The following LIPC variants were observed in gnomAD, a reference collection of about 807,000 sequenced individuals.
The protein encoded by LIPC is lipase C, hepatic type, also known as hepatic triacylglycerol lipase.
LIPC carries 44 observed loss-of-function variants against 50.7 expected under a neutral mutation model. The observed-to-expected ratio is 0.87, with a 90% CI of 0.68 to 1.11. The LOEUF is 1.11. Ranked by LOEUF, LIPC falls within the 50% of genes most tolerant of loss-of-function variation. The probability of loss-of-function intolerance (pLI) is 0.00; values close to 1 mark genes in which losing one functional copy is unlikely to be tolerated. For synonymous variants in LIPC, 271 were observed against 256.4 expected, an observed-to-expected ratio of 1.06 and a Z score of -0.54; for missense variants, 697 against 648.2, an observed-to-expected ratio of 1.08 and a Z score of -0.82.
At chr15:58,467,985 T>C (rs1318031118) in intron 1 of LIPC, among the ~76,000 whole-genome samples, 1 of 152,150 alleles carries the variant, frequency 6.6e-6, no homozygotes, top group East Asian at 1.9e-4. Context: ...AAACTTCAGT[T>C]TCTGGGTCTG....
At chr15:58,499,975 A>C (rs1891921180) in intron 1 of LIPC, among the ~76,000 whole-genome samples, 1 of 152,184 alleles carries the variant, frequency 6.6e-6, no homozygotes, top group Admixed American at 6.5e-5. Context: ...GATTTGGTAC[A>C]AGAGATCCAG....
intron 4 of LIPC, among the ~76,000 whole-genome samples, chr15:58,544,088 TG>T (rs1416795917): frequency 6.6e-6 from 1 of 152,232 alleles, no homozygotes; most frequent in Non-Finnish European, 1.5e-5. Flanking sequence ...TGCTGGTCAC[TG>T]GGGAAGCCTG....
chr15:58,545,585 A>C (rs1315642720), intron 4 of LIPC, among the ~76,000 whole-genome samples, 157 bp from the exon 5 acceptor site: 3 of 152,188 alleles, frequency 2.0e-5, no homozygotes. Flanking sequence ...TTTTACTGAG[A>C]AAAGGTTACG....
chr15:58,496,790 G>A (rs1376499764), intron 1 of LIPC, among the ~76,000 whole-genome samples: 2 of 144,442 alleles, frequency 1.4e-5, no homozygotes, highest in Admixed American at 1.5e-4. Context: ...TGTCACCCAG[G>A]CTGGAGTGCA....
At chr15:58,510,050 A>T (rs1182477031) in intron 1 of LIPC, among the ~76,000 whole-genome samples, 1 of 152,234 alleles carries the variant, frequency 6.6e-6, no homozygotes, top group African/African-American at 2.4e-5. Context: ...AATAAAATGT[A>T]CATGCGCAGA....
Position 58,541,966 on chromosome 15 carries a change from A to G in LIPC, c.455A>G (p.Glu152Gly). Residue 152 changes from glutamate (E) to glycine (G), a missense_variant and splice_region_variant, in exon 3 of 9, where the codon GAG becomes GGG. Physicochemically the swap from Glu to Gly is moderately conservative, Grantham distance 98. Coordinates refer to ENST00000299022, the MANE Select transcript of LIPC (RefSeq NM_000236.3). ...GTCGCGGCTCTTCTCCGGTGGCTGG[A>G]GGTACCGACCTGCCCCATCCTTCCT... ...KEVAALLRWL[E>G]ESVQLSRSHV... 1.2e-6 allele frequency: 2 copies of G among 1,606,986 alleles called. No homozygotes were observed. The highest frequency in any genetic ancestry group is 8.5e-7 in the Non-Finnish European group (1 of 1,178,402).
chr15:58,495,306 T>C (rs1307681959), intron 1 of LIPC, among the ~76,000 whole-genome samples: 1 of 152,238 alleles, frequency 6.6e-6, no homozygotes, highest in African/African-American at 2.4e-5. Context: ...CCTTCTATTA[T>C]GGCCTCCTCC....
At chr15:58,543,810 C>T (rs143668747) in intron 4 of LIPC, among the ~76,000 whole-genome samples, 367 of 152,044 alleles carry the variant, frequency 2.4e-3, no homozygotes, top group African/African-American at 8.3e-3. Context: ...TTAGTAGATA[C>T]GGGGTTTCAC....
intron 1 of LIPC, among the ~76,000 whole-genome samples, chr15:58,492,058 A>G (rs1039854476): frequency 6.6e-5 from 10 of 152,170 alleles, no homozygotes; most frequent in Admixed American, 6.5e-4. Flanking sequence ...CCCCAGCCCC[A>G]GAGAGGGACT....
chr15:58,517,286 G>A (rs942440081), intron 1 of LIPC, among the ~76,000 whole-genome samples: 1 of 152,224 alleles, frequency 6.6e-6, no homozygotes, highest in Non-Finnish European at 1.5e-5. Flanking sequence ...CAGGGCTCTT[G>A]CCTCTCAGAG....
chr15:58,446,420 C>A (rs185039835), intron 1 of LIPC, among the ~76,000 whole-genome samples: 160 of 152,270 alleles, frequency 1.1e-3, no homozygotes, highest in African/African-American at 3.8e-3. Flanking sequence ...TAATTTTATA[C>A]TATCCAATAT....
intron 1 of LIPC, among the ~76,000 whole-genome samples, chr15:58,483,073 C>T (rs1365012094): frequency 6.6e-6 from 1 of 152,288 alleles, no homozygotes; most frequent in Admixed American, 6.5e-5. Flanking sequence ...ATCTCCCTAC[C>T]ATGGACATAA....
chr15:58,508,182 C>A lies in LIPC; in HGVS notation c.89-30151C>A, dbSNP rs926227285. Among the ~76,000 whole-genome samples, 3 of 150,546 alleles carry A rather than the reference C, an allele frequency of 2.0e-5. No homozygotes were observed. The South Asian group carries it at 6.3e-4, about 32-fold the overall frequency. Reference sequence around the variant, plus strand: ...TTAGGCAGATAAGGGATGAAGAGAACAACTTCATCCAGAGCTTTGGGAGAG... The same window carrying A: ...TTAGGCAGATAAGGGATGAAGAGAAAAACTTCATCCAGAGCTTTGGGAGAG... On this transcript the variant is annotated intron_variant, in intron 1 of 8. Coordinates refer to ENST00000299022, the MANE Select transcript of LIPC (RefSeq NM_000236.3).
At chr15:58,436,192 G>C (rs1893288411) in intron 1 of LIPC, 1 of 154,762 alleles carries the variant, frequency 6.5e-6, no homozygotes, top group African/African-American at 2.4e-5. Flanking sequence ...CAGATCCTTT[G>C]ACGTCCTTAT....
chr15:58,496,983 C>T lies in LIPC; in HGVS notation c.89-41350C>T, dbSNP rs533696991. Reference sequence around the variant, plus strand: ...TACAGGCATAAGCCACCGCGCCCGGCCCTTTTAAAGTAAATCTTGATTGAT... The same window carrying T: ...TACAGGCATAAGCCACCGCGCCCGGTCCTTTTAAAGTAAATCTTGATTGAT... On this transcript the variant is annotated intron_variant, in intron 1 of 8. Coordinates refer to ENST00000299022, the MANE Select transcript of LIPC (RefSeq NM_000236.3). 2.0e-5 allele frequency among the ~76,000 whole-genome samples: 3 copies of T among 152,274 alleles called. No individual in the cohort carries two copies. In the East Asian group the frequency reaches 5.8e-4, roughly 29 times the overall value.
chr15:58,493,253 T>A (rs1297627995), intron 1 of LIPC, among the ~76,000 whole-genome samples: 3 of 152,020 alleles, frequency 2.0e-5, no homozygotes, highest in Non-Finnish European at 4.4e-5. Flanking sequence ...GGCCACCTCC[T>A]CCCGCCAGCA....
intron 1 of LIPC, among the ~76,000 whole-genome samples, chr15:58,529,375 G>A (rs1382336022): frequency 1.3e-5 from 2 of 152,170 alleles, no homozygotes; most frequent in African/African-American, 4.8e-5. Flanking sequence ...CTCTGGGAGA[G>A]AAAGAAAAAA....
chr15:58,457,965 G>A (rs1261889416), intron 1 of LIPC, among the ~76,000 whole-genome samples: 2 of 152,174 alleles, frequency 1.3e-5, no homozygotes, highest in Non-Finnish European at 2.9e-5. Flanking sequence ...GGCTCCTAGA[G>A]TGCATAGGAC....
At chr15:58,542,795 T>A in intron 4 of LIPC, 144 bp downstream of exon 4, 1 of 659,108 alleles carries the variant, frequency 1.5e-6, no homozygotes, top group Non-Finnish European at 2.8e-6. Flanking sequence ...TGTGACATTC[T>A]TTCAAACATG....
Sources: gnomAD v4.1 joint callset for allele counts (sites outside exome capture counted in the v4.1 genomes callset) on GRCh38, gnomAD v4.1.1 for gene constraint, MANE v1.5 for transcripts, NCBI Gene and HGNC (gene_info 2026-07-23, HGNC 2026-07-21) for gene names.